Variants in CCNI observed in about 807,000 individuals in gnomAD.
The protein encoded by CCNI is cyclin-I.
In CCNI, 14 loss-of-function variants were observed where a neutral mutation model predicts 34.1. The observed-to-expected ratio is 0.41, with a 90% confidence interval of 0.27 to 0.64. CCNI has a LOEUF of 0.64. CCNI is among the 30% of genes least tolerant of loss of function. The probability of loss-of-function intolerance (pLI) is 0.31; values close to 1 mark genes in which losing one functional copy is unlikely to be tolerated. For synonymous variants in CCNI, 154 were observed against 158.4 expected (o/e 0.97, Z 0.21); for missense variants, 385 against 440.5 (o/e 0.87, Z 1.13).
At chr4:77,048,727 T>C (rs1250288825) in intron 6 of CCNI, 65 bp from the exon 7 acceptor site, 18 of 1,263,456 alleles carry the variant, frequency 1.4e-5, no homozygotes. Flanking sequence ...TGCTCTGTTA[T>C]CTCTGGTGGC....
intron 3 of CCNI, 60 bp downstream of exon 3, chr4:77,058,447 C>T: frequency 7.4e-7 from 1 of 1,359,176 alleles, no homozygotes; most frequent in African/African-American, 1.5e-5. Context: ...CTAATAGCCT[C>T]TAGTTTAGCA....
Position 77,048,671 on chromosome 4 carries a change from G to GA in CCNI, c.691-10_691-9insT. ...AACTGGGAGCTATCCATCTGGGCCA[G>GA]GAAAAAAAAAAAGCCACACACAGTT... On this transcript the variant is annotated splice_polypyrimidine_tract_variant and intron_variant, in intron 6 of 6. Transcript: ENST00000237654. The GA allele has an allele frequency of 1.3e-6, 2 of 1,489,638 alleles. No homozygotes were observed. Among genetic ancestry groups the GA allele is most frequent in the African/African-American group, 2.9e-5 (2 of 68,700 alleles). 92.3% of individuals were successfully genotyped at this position (1,489,638 alleles called of 1,614,324 possible). A position where few individuals can be genotyped will look rare whatever the true frequency, so the allele number is the denominator to read the frequency against.
At position 77,055,999 on chromosome 4, in the gene CCNI, T is replaced by G. The variant is rs1306614955; in HGVS notation, c.422A>C (p.Asp141Ala). Residue 141 changes from aspartate to alanine, a missense_variant, in exon 5 of 7, where the codon GAT (aspartate) becomes GCT (alanine). Around this residue, in one of 2 missense-constraint regions of CCNI, gnomAD observed 135 missense variants for 191.8 expected, o/e 0.70. Coordinates refer to ENST00000237654, the MANE Select transcript of CCNI (RefSeq NM_006835.3). ...ERIILDKLNW[D>A]LHTATPLDFL... ...ATCCAATGGTGTGGCTGTGTGAAGA[T>G]CCCAATTCAACTTATCCAGAATAAT... The G allele has an allele frequency of 3.1e-6, 5 of 1,613,334 alleles. No individual in the cohort carries two copies. The highest frequency in any genetic ancestry group is 3.4e-6 in the Non-Finnish European group (4 of 1,179,560).
At chr4:77,063,432 C>A (rs191315250) in intron 2 of CCNI, among the ~76,000 whole-genome samples, 2 of 150,594 alleles carry the variant, frequency 1.3e-5, no homozygotes, top group Non-Finnish European at 3.0e-5. Context: ...GGTGCGGTGG[C>A]TCATGCCTGT....
chr4:77,062,532 C>G (rs894264210), intron 2 of CCNI, among the ~76,000 whole-genome samples: 1 of 151,908 alleles, frequency 6.6e-6, no homozygotes, highest in Admixed American at 6.6e-5. Context: ...TGCACCCCAG[C>G]CTGGGCAACA....
intron 6 of CCNI, among the ~76,000 whole-genome samples, 175 bp downstream of exon 6, chr4:77,054,975 T>C (rs1329481088): frequency 6.6e-6 from 1 of 152,172 alleles, no homozygotes; most frequent in Non-Finnish European, 1.5e-5. Flanking sequence ...ATAAGTTTTA[T>C]ATGAAAAAAA....
At position 77,047,553 on chromosome 4, in the gene CCNI, T is replaced by G. The variant is rs1331501976; in HGVS notation, c.*666A>C. 2 of 152,224 alleles carry G rather than the reference T, an allele frequency of 1.3e-5. No homozygotes were observed. The highest frequency in any genetic ancestry group is 4.8e-5 in the African/African-American group (2 of 41,460). The allele number at this position is 152,224 out of a possible 1,614,324, so 9.4% of individuals were successfully genotyped here. ...ATGCTTTCAACAAACCTAAGTGTCCTAATTACATGCCACTTTTAAGCATCA... is the reference window on the plus strand; with the variant it reads ...ATGCTTTCAACAAACCTAAGTGTCCGAATTACATGCCACTTTTAAGCATCA... On this transcript the variant is annotated 3_prime_UTR_variant, in exon 7 of 7. Coordinates refer to ENST00000237654, the MANE Select transcript of CCNI (RefSeq NM_006835.3).
chr4:77,061,896 C>G (rs916599848), intron 2 of CCNI, among the ~76,000 whole-genome samples: 1 of 152,118 alleles, frequency 6.6e-6, no homozygotes, highest in African/African-American at 2.4e-5. Context: ...GTCTCGATCT[C>G]CTGACCTTGT....
In CCNI at chr4:77,059,558, T is replaced by C. The variant is rs369078332; in HGVS notation, c.115-923A>G. On this transcript the variant is annotated intron_variant, in intron 2 of 6. Transcript: ENST00000237654. The stretch of plus-strand genomic sequence containing the variant: ...TCCTGTTCAATATTTTTTTTCATCA[T>C]CTCTAAATGTATAATTCATCTGTTG... 1.4e-3 allele frequency among the ~76,000 whole-genome samples: 212 copies of C among 152,118 alleles called. 1 individual carries two copies. Among genetic ancestry groups the C allele is most frequent in the South Asian group, 0.011 (55 of 4,820 alleles).
chr4:77,059,438 AAGG>A (rs1728455739), intron 2 of CCNI, among the ~76,000 whole-genome samples: 1 of 151,490 alleles, frequency 6.6e-6, no homozygotes, highest in Admixed American at 6.6e-5. Context: ...AAAGAGCTGT[AAGG>A]AGAATACTCA....
intron 6 of CCNI, among the ~76,000 whole-genome samples, chr4:77,049,008 G>A (rs1132834): frequency 0.069 from 8,403 of 121,160 alleles, 965 homozygotes; most frequent in African/African-American, 0.24. Flanking sequence ...CCCCCTGTCT[G>A]GAAGGCCCTT....
intron 2 of CCNI, among the ~76,000 whole-genome samples, chr4:77,061,965 G>A (rs1018333473): frequency 2.6e-5 from 4 of 152,016 alleles, no homozygotes; most frequent in African/African-American, 7.2e-5. Context: ...CACCATGCCC[G>A]GCTATGACCT....
intron 1 of CCNI, among the ~76,000 whole-genome samples, chr4:77,072,314 A>C (rs1228096327): frequency 6.6e-6 from 1 of 151,848 alleles, no homozygotes; most frequent in Non-Finnish European, 1.5e-5. Context: ...AATTTCCTTA[A>C]ACTTTTAAAA....
chr4:77,056,865 A>AC (rs1484535360), intron 3 of CCNI, among the ~76,000 whole-genome samples: 1 of 152,136 alleles, frequency 6.6e-6, no homozygotes, highest in Non-Finnish European at 1.5e-5. Context: ...TGCTGGGATT[A>AC]CAGGCGTCAG....
chr4:77,059,464 G>T (rs1166411268), intron 2 of CCNI, among the ~76,000 whole-genome samples: 1 of 151,382 alleles, frequency 6.6e-6, no homozygotes, highest in Non-Finnish European at 1.5e-5. Context: ...TAATATGTAG[G>T]AAGATTAAAA....
At chr4:77,053,939 C>CAATT (rs1728041726) in intron 6 of CCNI, among the ~76,000 whole-genome samples, 1 of 152,070 alleles carries the variant, frequency 6.6e-6, no homozygotes. Flanking sequence ...TAATCTAAGA[C>CAATT]AATTAAGATA....
chr4:77,069,428 T>TA (rs1729290869), intron 1 of CCNI, among the ~76,000 whole-genome samples: 4 of 143,978 alleles, frequency 2.8e-5, no homozygotes, highest in African/African-American at 1.1e-4. Flanking sequence ...CAATATCATT[T>TA]TTATATATAT....
At chr4:77,057,156 T>C (rs1217134867) in intron 3 of CCNI, among the ~76,000 whole-genome samples, 2 of 146,374 alleles carry the variant, frequency 1.4e-5, no homozygotes, top group East Asian at 4.2e-4. Context: ...CAAGTCCACA[T>C]CACTCCTCCC....
chr4:77,075,391 C>CG (rs1257548437), intron 1 of CCNI, 81 bp downstream of exon 1: 11 of 478,982 alleles, frequency 2.3e-5, no homozygotes, highest in Non-Finnish European at 2.7e-5. Flanking sequence ...GGGGGCGGCG[C>CG]GGGGGGAGCA....
Sources: allele counts gnomAD v4.1 joint callset (sites outside exome capture counted in the v4.1 genomes callset), GRCh38; gene constraint gnomAD v4.1.1; regional missense constraint gnomAD v4.1.1; transcripts MANE v1.5; gene names NCBI Gene and HGNC (gene_info 2026-07-23, HGNC 2026-07-21).